Variants in ABCC1 observed in about 807,000 individuals in gnomAD.
The protein encoded by ABCC1 is multidrug resistance-associated protein 1.
In ABCC1, 83 loss-of-function variants were observed where a neutral mutation model predicts 172.9. The ratio of observed to expected loss-of-function variants is 0.48; its 90% CI spans 0.40 to 0.58. ABCC1 has a LOEUF of 0.58. Among genes scored for constraint, ABCC1 ranks in the 20% least tolerant of loss-of-function variants. The probability of loss-of-function intolerance (pLI) is 0.00; values close to 1 mark genes in which losing one functional copy is unlikely to be tolerated. For missense variants in ABCC1, 1,817 were observed against 2,002.7 expected, an observed-to-expected ratio of 0.91 and a Z score of 1.77; for synonymous variants, 937 against 825.2, an observed-to-expected ratio of 1.14 and a Z score of -2.32.
chr16:15,979,323 A>AT (rs1361881209), intron 1 of ABCC1, among the ~76,000 whole-genome samples: 3 of 151,692 alleles, frequency 2.0e-5, no homozygotes, highest in South Asian at 2.1e-4. Context: ...AAAAAAACAA[A>AT]ATTTTTTTTC....
intron 5 of ABCC1, among the ~76,000 whole-genome samples, chr16:16,031,267 G>A (rs892254738): frequency 6.6e-6 from 1 of 152,220 alleles, no homozygotes; most frequent in African/African-American, 2.4e-5. Flanking sequence ...GGAACTTTGA[G>A]TGGAGTCCTT....
chr16:16,020,866 TACAG>T (rs2048170428), intron 5 of ABCC1, among the ~76,000 whole-genome samples: 1 of 152,222 alleles, frequency 6.6e-6, no homozygotes, highest in Non-Finnish European at 1.5e-5. Flanking sequence ...TTTCTCATTT[TACAG>T]ACAAACAATC....
At chr16:16,089,480 A>C (rs1354634973) in intron 18 of ABCC1, among the ~76,000 whole-genome samples, 1 of 151,990 alleles carries the variant, frequency 6.6e-6, no homozygotes, top group Non-Finnish European at 1.5e-5. Flanking sequence ...CCCAGGAAGC[A>C]TAGGTTGTGG....
chr16:16,138,500 G>T lies in ABCC1; in HGVS notation c.4429G>T (p.Glu1477Ter). ...CCAGTCCACCATCCGGACACAGTTC[G>T]AGGACTGCACCGTCCTCACCATCGC... ...LIQSTIRTQFEDCTVLTIAHR... is the reference protein window; with the variant it reads ...LIQSTIRTQF The change falls in exon 30 of 31, where the codon GAG becomes TAG. Residue 1477 changes from glutamate (E) to a stop codon, truncating the protein, a stop_gained. Coordinates refer to ENST00000399410, the MANE Select transcript of ABCC1 (RefSeq NM_004996.4). LOFTEE classifies it high-confidence loss of function. The T allele has an allele frequency of 1.2e-6, 2 of 1,612,772 alleles. No individual in the cohort carries two copies. Among genetic ancestry groups the T allele is most frequent in the Non-Finnish European group, 1.7e-6 (2 of 1,179,056 alleles).
chr16:15,953,005 T>C (rs553365013), intron 1 of ABCC1, among the ~76,000 whole-genome samples: 2 of 150,450 alleles, frequency 1.3e-5, no homozygotes, highest in African/African-American at 2.5e-5. Flanking sequence ...TCACGGTCAC[T>C]GCACTCCAGT....
intron 1 of ABCC1, among the ~76,000 whole-genome samples, chr16:15,987,949 C>T (rs1395234078): frequency 6.6e-6 from 1 of 152,114 alleles, no homozygotes; most frequent in African/African-American, 2.4e-5. Context: ...TTCCTTCCAT[C>T]CTGTATTTGT....
At chr16:16,030,746 A>G (rs1235624864) in intron 5 of ABCC1, among the ~76,000 whole-genome samples, 1 of 151,962 alleles carries the variant, frequency 6.6e-6, no homozygotes, top group African/African-American at 2.4e-5. Context: ...CACTTTTCCA[A>G]GAAAAATCTG....
At position 16,094,928 on chromosome 16, in the gene ABCC1, GT is replaced by G. The variant is rs749677219; in HGVS notation, c.2644+4341del. Among the ~76,000 whole-genome samples the G allele has an allele frequency of 4.3e-3, 605 of 139,374 alleles. 2 individuals are homozygous for G. Among genetic ancestry groups the G allele is most frequent in the Middle Eastern group, 8.9e-3 (2 of 224 alleles). 91.4% of individuals were successfully genotyped at this position (139,374 alleles called of 152,430 possible). A position where few individuals can be genotyped will look rare whatever the true frequency, so the allele number is the denominator to read the frequency against. ...CACCTCCCGGGTTCAAGAAATTCTT[GT>G]GCCTCAGCCTCTCGAGTAGCTGGAG... On this transcript the variant is annotated intron_variant, in intron 19 of 30. Coordinates refer to ENST00000399410, the MANE Select transcript of ABCC1 (RefSeq NM_004996.4).
chr16:16,137,872 A>AT (rs144317862), intron 29 of ABCC1, among the ~76,000 whole-genome samples: 21,750 of 148,370 alleles, frequency 0.15, 1,625 homozygotes, highest in East Asian at 0.25. Context: ...TTTTTATTTT[A>AT]TTTTTTTTAA....
chr16:15,995,360 T>A (rs1024426358), intron 1 of ABCC1, among the ~76,000 whole-genome samples: 2 of 152,184 alleles, frequency 1.3e-5, no homozygotes, highest in African/African-American at 4.8e-5. Flanking sequence ...GGCACAGGTT[T>A]CTTCATTGCT....
At chr16:16,087,975 C>T (rs1340443350) in intron 18 of ABCC1, among the ~76,000 whole-genome samples, 3 of 152,046 alleles carry the variant, frequency 2.0e-5, no homozygotes, top group African/African-American at 7.2e-5. Flanking sequence ...CTCTTGTAAT[C>T]GTTCCCATAC....
chr16:16,124,403 GT>G (rs2045339483), intron 24 of ABCC1, among the ~76,000 whole-genome samples: 1 of 147,154 alleles, frequency 6.8e-6, no homozygotes. Flanking sequence ...GTGTGTGTGT[GT>G]GTGTGTATGT....
chr16:16,107,725 T>C (rs1437093241), intron 21 of ABCC1, among the ~76,000 whole-genome samples: 6 of 152,212 alleles, frequency 3.9e-5, no homozygotes, highest in Non-Finnish European at 8.8e-5. Flanking sequence ...TCCTGTTTTA[T>C]TGTTTTTAAA....
chr16:16,060,826 C>CT (rs1343983013), intron 12 of ABCC1, among the ~76,000 whole-genome samples: 13 of 150,104 alleles, frequency 8.7e-5, no homozygotes, highest in East Asian at 7.9e-4. Context: ...CTGGACTCTC[C>CT]TTTTTTTTTG....
At chr16:15,965,278 CT>C (rs2046218585) in intron 1 of ABCC1, among the ~76,000 whole-genome samples, 1 of 150,796 alleles carries the variant, frequency 6.6e-6, no homozygotes, top group African/African-American at 2.5e-5. Context: ...GCTGTGTTTT[CT>C]TTCTCCTTTT....
chr16:16,002,761 G>C (rs1169163359), intron 1 of ABCC1, among the ~76,000 whole-genome samples: 1 of 119,770 alleles, frequency 8.3e-6, no homozygotes, highest in Non-Finnish European at 1.8e-5. Context: ...AACAGAGTGA[G>C]ACCTTGTCTC....
chr16:15,983,253 C>A (rs1460905969), intron 1 of ABCC1, among the ~76,000 whole-genome samples: 1 of 152,104 alleles, frequency 6.6e-6, no homozygotes, highest in East Asian at 1.9e-4. Flanking sequence ...GTAGAGGGAA[C>A]CCACTCTGCA....
chr16:16,114,953 G>A lies in ABCC1; in HGVS notation c.3267G>A (p.Glu1089=). 1 of 1,614,160 alleles carries A rather than the reference G, an allele frequency of 6.2e-7. No homozygotes were observed. The highest frequency in any genetic ancestry group is 8.5e-7 in the Non-Finnish European group (1 of 1,180,020). Residue 1089 remains glutamate, a synonymous_variant, in exon 23 of 31, where the codon GAG becomes GAA. Coordinates refer to ENST00000399410, the MANE Select transcript of ABCC1 (RefSeq NM_004996.4). ...ELDTVDSMIP[E]VIKMFMGSLF... ...ACACAGTGGACTCCATGATCCCGGA[G>A]GTCATCAAGATGTTCATGGGCTCCC...
chr16:16,077,555 CTGTCTCACGTGGACAGTGGCAGGTAT>C lies in ABCC1; in HGVS notation c.1988+1163_1988+1188del, dbSNP rs1480298917. ...AGTCTCACGTGGACAGTGGCAGGTA[CTGTCTCACGTGGACAGTGGCAGGTAT>C]TGTCTCACTGGGCTTCCTGCCCACT... On this transcript the variant is annotated intron_variant, in intron 15 of 30. Coordinates refer to ENST00000399410, the MANE Select transcript of ABCC1 (RefSeq NM_004996.4). 6.1e-5 allele frequency among the ~76,000 whole-genome samples: 9 copies of C among 147,434 alleles called. No homozygotes were observed. The South Asian group carries it at 1.0e-3, about 17-fold the overall frequency.
Sources: allele counts gnomAD v4.1 joint callset (sites outside exome capture counted in the v4.1 genomes callset), GRCh38; gene constraint gnomAD v4.1.1; transcripts MANE v1.5; gene names NCBI Gene and HGNC (gene_info 2026-07-23, HGNC 2026-07-21).